Variants in SESN1 observed in about 807,000 individuals in gnomAD.
SESN1 encodes sestrin-1.
SESN1 carries 30 observed loss-of-function variants against 59.3 expected under a neutral mutation model. That is an observed-to-expected ratio of 0.51 (90% confidence interval 0.38 to 0.69). SESN1 has a LOEUF of 0.69. Among genes scored for constraint, SESN1 ranks in the 30% least tolerant of loss-of-function variants. The probability of loss-of-function intolerance (pLI) is 0.00; values close to 1 mark genes in which losing one functional copy is unlikely to be tolerated. For missense variants in SESN1, 566 were observed against 673.0 expected (o/e 0.84, Z 1.76); for synonymous variants, 197 against 219.9 (o/e 0.90, Z 0.92).
chr6:109,013,524 A>C (rs1779890947), intron 1 of SESN1, among the ~76,000 whole-genome samples: 1 of 152,222 alleles, frequency 6.6e-6, no homozygotes, highest in Non-Finnish European at 1.5e-5. Context: ...AAGTATAATC[A>C]ATTCATGACA....
At chr6:109,050,430 T>C (rs764261514) in intron 1 of SESN1, among the ~76,000 whole-genome samples, 3 of 150,736 alleles carry the variant, frequency 2.0e-5, no homozygotes, top group Non-Finnish European at 2.9e-5. Flanking sequence ...CAGTGAATCA[T>C]AGACTTTCCA....
chr6:109,052,307 A>G, intron 1 of SESN1, among the ~76,000 whole-genome samples: 1 of 147,036 alleles, frequency 6.8e-6, no homozygotes, highest in Admixed American at 6.6e-5. Flanking sequence ...TTTTAAAGAT[A>G]ATTTTTGTTA....
intron 8 of SESN1, among the ~76,000 whole-genome samples, chr6:108,989,865 G>A (rs1020846916): frequency 2.0e-5 from 3 of 152,122 alleles, no homozygotes; most frequent in African/African-American, 4.8e-5. Flanking sequence ...TGAGTTTTCA[G>A]TGGAAAGGGG....
chr6:109,091,424 C>T (rs1781316186), intron 1 of SESN1, among the ~76,000 whole-genome samples: 1 of 152,124 alleles, frequency 6.6e-6, no homozygotes, highest in African/African-American at 2.4e-5. Context: ...AGTATCGCAG[C>T]CAGGTCTGCC....
intron 1 of SESN1, among the ~76,000 whole-genome samples, chr6:109,022,438 T>G (rs916135438): frequency 3.1e-5 from 4 of 129,046 alleles, no homozygotes; most frequent in Non-Finnish European, 5.1e-5. Context: ...TTTTTTTTTT[T>G]TTGAGATGGA....
At chr6:109,044,391 C>G (rs1476492110) in intron 1 of SESN1, among the ~76,000 whole-genome samples, 1 of 137,864 alleles carries the variant, frequency 7.3e-6, no homozygotes, top group Non-Finnish European at 1.5e-5. Flanking sequence ...AAAGGATAGT[C>G]TTTCCACCAA....
intron 1 of SESN1, among the ~76,000 whole-genome samples, chr6:109,052,852 T>A (rs1227466071): frequency 6.6e-6 from 1 of 152,208 alleles, no homozygotes; most frequent in Non-Finnish European, 1.5e-5. Flanking sequence ...ATTGTTGACT[T>A]AATCCAGACT....
intron 1 of SESN1, among the ~76,000 whole-genome samples, chr6:109,050,354 GAA>G (rs1780523338): frequency 7.7e-6 from 1 of 129,066 alleles, no homozygotes; most frequent in African/African-American, 3.0e-5. Flanking sequence ...CTCCAGCCTA[GAA>G]AAGACACACA....
chr6:108,988,663 T>G lies in SESN1; in HGVS notation c.1449A>C (p.Glu483Asp). 6 of 1,609,920 alleles carry G rather than the reference T, an allele frequency of 3.7e-6. No homozygotes were observed. Among genetic ancestry groups the G allele is most frequent in the Non-Finnish European group, 5.1e-6 (6 of 1,177,924 alleles). Reference protein sequence around the residue: ...GIRYDDYDYGEINQLLDRSFK... With the variant: ...GIRYDDYDYGDINQLLDRSFK... ...AGCTACGATCCAATAGCTGGTTAAT[T>G]TCACCATAGTCATAATCATCATATC... Residue 483 changes from glutamate (E) to aspartate (D), a missense_variant, in exon 9 of 10, where the codon GAA (glutamate) becomes GAC (aspartate). Glu to Asp is a conservative substitution (Grantham distance 45). Transcript: ENST00000436639.
intron 1 of SESN1, among the ~76,000 whole-genome samples, chr6:109,045,585 G>C (rs1327637539): frequency 6.6e-6 from 1 of 152,170 alleles, no homozygotes; most frequent in African/African-American, 2.4e-5. Flanking sequence ...TCTCTGACCA[G>C]AGCACCTTAT....
rs913620872 is a variant in SESN1 at position 109,062,386 on chromosome 6, A to T, written c.279+31409T>A. 5.3e-5 allele frequency among the ~76,000 whole-genome samples: 8 copies of T among 152,220 alleles called. No homozygotes were observed. The East Asian group carries it at 1.5e-3, about 29-fold the overall frequency. The stretch of plus-strand genomic sequence containing the variant: ...AGGCGCACAGAGCGAGGAAGAGCAC[A>T]TTGCAAGATGAGGCTGCCAAGGTCA... On this transcript the variant is annotated intron_variant, in intron 1 of 9. Transcript: ENST00000436639.
rs145122397 is a variant in SESN1 at position 109,064,512 on chromosome 6, A to G, written c.279+29283T>C. The stretch of plus-strand genomic sequence containing the variant: ...ATCTGAAAGCCACAGTTCATCATCA[A>G]TCACCAAATCAAAACATGGGACATA... On this transcript the variant is annotated intron_variant, in intron 1 of 9. Transcript: ENST00000436639. 5.8e-4 allele frequency among the ~76,000 whole-genome samples: 86 copies of G among 147,392 alleles called. 1 individual carries two copies. In the East Asian group the frequency reaches 7.4e-3, roughly 13 times the overall value.
At chr6:109,056,022 T>C (rs2114449104) in intron 1 of SESN1, among the ~76,000 whole-genome samples, 1 of 152,346 alleles carries the variant, frequency 6.6e-6, no homozygotes. Context: ...AAACTACTTA[T>C]GATTCACAAT....
chr6:109,091,560 C>T (rs562066394), intron 1 of SESN1, among the ~76,000 whole-genome samples: 2 of 152,290 alleles, frequency 1.3e-5, no homozygotes, highest in Admixed American at 1.3e-4. Flanking sequence ...TCATACATAC[C>T]GTTCCCTATG....
intron 1 of SESN1, among the ~76,000 whole-genome samples, chr6:109,044,573 T>C (rs571331374): frequency 6.6e-6 from 1 of 152,168 alleles, no homozygotes; most frequent in East Asian, 1.9e-4. Context: ...AATATCTACA[T>C]CTAGATCACC....
chr6:109,079,235 T>C (rs565000391), intron 1 of SESN1, among the ~76,000 whole-genome samples: 2 of 150,472 alleles, frequency 1.3e-5, no homozygotes, highest in Admixed American at 6.6e-5. Context: ...CTGATATTCA[T>C]ACTCTAATAT....
At chr6:108,990,979 TC>T in intron 7 of SESN1, 144 bp from the exon 8 acceptor site, 1 of 641,584 alleles carries the variant, frequency 1.6e-6, no homozygotes, top group Non-Finnish European at 2.6e-6. Flanking sequence ...TCACTTACAC[TC>T]CAATCTTTTT....
At position 109,066,036 on chromosome 6, in the gene SESN1, G is replaced by C. The variant is rs1780819506; in HGVS notation, c.279+27759C>G. 2.0e-5 allele frequency among the ~76,000 whole-genome samples: 3 copies of C among 152,066 alleles called. No individual in the cohort carries two copies. In the South Asian group the frequency reaches 6.2e-4, roughly 31 times the overall value. On this transcript the variant is annotated intron_variant, in intron 1 of 9. Transcript: ENST00000436639. ...AGAATCACTACTATCCATACTCAGT[G>C]AAAGGTAAAATTATTAAACGAATAC...
At chr6:108,990,594 A>G in intron 8 of SESN1, 51 bp downstream of exon 8, 1 of 1,546,636 alleles carries the variant, frequency 6.5e-7, no homozygotes, top group Non-Finnish European at 8.9e-7. Flanking sequence ...GCACTTGAAT[A>G]ATTTGGCCCA....
Sources: gnomAD v4.1 joint callset for allele counts (sites outside exome capture counted in the v4.1 genomes callset) on GRCh38, gnomAD v4.1.1 for gene constraint, MANE v1.5 for transcripts, NCBI Gene and HGNC (gene_info 2026-07-23, HGNC 2026-07-21) for gene names.